The following FRMD3 variants were observed in gnomAD, a reference collection of about 807,000 sequenced individuals.
The protein encoded by FRMD3 is FERM domain containing 3, also known as FERM domain-containing protein 3.
Under a neutral mutation model 70.2 loss-of-function variants are expected in FRMD3, and 33 were observed. That is an observed-to-expected ratio of 0.47 (90% confidence interval 0.36 to 0.63). FRMD3 has a LOEUF of 0.63. FRMD3 is among the 20% of genes least tolerant of loss of function. The pLI, the probability that FRMD3 is intolerant of heterozygous loss-of-function variation, is 0.00. For synonymous variants in FRMD3, 279 were observed against 255.9 expected (o/e 1.09, Z -0.86); for missense variants, 632 against 711.4 (o/e 0.89, Z 1.27).
At chr9:83,428,048 AGAG>A (rs1209550114) in intron 1 of FRMD3, among the ~76,000 whole-genome samples, 3 of 152,318 alleles carry the variant, frequency 2.0e-5, no homozygotes, top group South Asian at 4.1e-4. Flanking sequence ...TGGAAACCCC[AGAG>A]GAGTAGCAAA....
At chr9:83,437,722 G>A (rs566089124) in intron 1 of FRMD3, among the ~76,000 whole-genome samples, 1 of 152,138 alleles carries the variant, frequency 6.6e-6, no homozygotes, top group Admixed American at 6.5e-5. Context: ...GCACACAGAC[G>A]TGGGTCTTCC....
intron 12 of FRMD3, among the ~76,000 whole-genome samples, chr9:83,291,705 G>A (rs1349376579): frequency 1.3e-5 from 2 of 152,010 alleles, no homozygotes; most frequent in Non-Finnish European, 2.9e-5. Flanking sequence ...GCACCTTAAG[G>A]GCAGAGACTG....
intron 1 of FRMD3, among the ~76,000 whole-genome samples, chr9:83,514,440 T>C (rs186442328): frequency 1.3e-5 from 2 of 152,304 alleles, no homozygotes; most frequent in Admixed American, 1.3e-4. Context: ...AGGCCATCTC[T>C]GAAAGAAAGG....
At chr9:83,281,565 G>C (rs1833971909) in intron 13 of FRMD3, 1 of 152,202 alleles carries the variant, frequency 6.6e-6, no homozygotes, top group Admixed American at 6.5e-5. Context: ...CAGGAGGAAT[G>C]ATTTGGGAAG....
chr9:83,449,411 C>T (rs544979952), intron 1 of FRMD3, among the ~76,000 whole-genome samples: 1 of 152,304 alleles, frequency 6.6e-6, no homozygotes, highest in Non-Finnish European at 1.5e-5. Context: ...GTCCTGGGAT[C>T]ACATAAGCTT....
At chr9:83,313,256 A>C (rs992429378) in intron 7 of FRMD3, among the ~76,000 whole-genome samples, 2 of 152,160 alleles carry the variant, frequency 1.3e-5, no homozygotes, top group African/African-American at 4.8e-5. Flanking sequence ...AATAAAAACA[A>C]GTGTTCCTAA....
chr9:83,397,295 T>C (rs151010710), intron 1 of FRMD3, among the ~76,000 whole-genome samples: 232 of 152,290 alleles, frequency 1.5e-3, no homozygotes, highest in Middle Eastern at 3.4e-3. Context: ...AATTCCCTGA[T>C]CACTGGAGGT....
At chr9:83,507,366 C>CA (rs61570991) in intron 1 of FRMD3, among the ~76,000 whole-genome samples, 3,383 of 46,700 alleles carry the variant, frequency 0.072, 331 homozygotes, top group South Asian at 0.12. Flanking sequence ...GACTCCGTCT[C>CA]AAAAAAAAAA....
At chr9:83,404,068 G>A (rs80165400) in intron 1 of FRMD3, among the ~76,000 whole-genome samples, 2 of 148,828 alleles carry the variant, frequency 1.3e-5, no homozygotes, top group Non-Finnish European at 1.5e-5. Context: ...GCATACACAC[G>A]CACACACACA....
At chr9:83,301,152 G>A (rs1039089222) in intron 10 of FRMD3, among the ~76,000 whole-genome samples, 1 of 152,142 alleles carries the variant, frequency 6.6e-6, no homozygotes, top group African/African-American at 2.4e-5. Context: ...CCTGGGGGGG[G>A]CCCTGCAGTG....
chr9:83,567,827 C>A, the FRMD3 span, among the ~76,000 whole-genome samples: 1 of 152,166 alleles, frequency 6.6e-6, no homozygotes, highest in Non-Finnish European at 1.5e-5. Context: ...TTTGTCAAAG[C>A]CATTCAACAA....
chr9:83,416,745 G>GTCTC (rs1184226415), intron 1 of FRMD3, among the ~76,000 whole-genome samples: 10,916 of 101,984 alleles, frequency 0.11, 1,249 homozygotes, highest in Middle Eastern at 0.12. Flanking sequence ...ATTTCTCTCT[G>GTCTC]TCTCTCTCTC....
chr9:83,392,261 T>C (rs537254872), intron 1 of FRMD3, among the ~76,000 whole-genome samples: 3 of 152,248 alleles, frequency 2.0e-5, no homozygotes, highest in African/African-American at 7.2e-5. Context: ...AGACCCTCCA[T>C]GTCTCACTGC....
At position 83,247,313 on chromosome 9, in the gene FRMD3, T is replaced by TA. The variant is rs963913083; in HGVS notation, c.*604dup. 25 of 983,634 alleles carry TA rather than the reference T, an allele frequency of 2.5e-5. No homozygotes were observed. The highest frequency in any genetic ancestry group is 2.8e-5 in the Non-Finnish European group (23 of 829,472). 60.9% of individuals were successfully genotyped at this position (983,634 alleles called of 1,614,324 possible). ...TAAAAACAAAGTAGCGCCAAAACAT[T>TA]AAAAAAATTCTGATATACCTTTTGT... On this transcript the variant is annotated 3_prime_UTR_variant, in exon 14 of 14. Transcript: ENST00000304195.
Position 83,247,994 on chromosome 9 carries a change from T to G in FRMD3, c.1718A>C (p.Tyr573Ser). 6.2e-7 allele frequency: 1 copy of G among 1,614,168 alleles called. No individual in the cohort carries two copies. The highest frequency in any genetic ancestry group is 8.5e-7 in the Non-Finnish European group (1 of 1,180,030). ...RQTPEFEQFH[Y>S]EYYCPLKEWV... Reference sequence around the variant, plus strand: ...CTCCTTGAGGGGACAGTAGTATTCATAGTGAAACTGCTCAAACTCTGGTGT... The same window carrying G: ...CTCCTTGAGGGGACAGTAGTATTCAGAGTGAAACTGCTCAAACTCTGGTGT... The change falls in exon 14 of 14, where the codon TAT becomes TCT. Residue 573 changes from tyrosine (Y) to serine (S), a missense_variant. Coordinates refer to ENST00000304195, the MANE Select transcript of FRMD3 (RefSeq NM_174938.6).
At chr9:83,474,536 C>G (rs759044138) in intron 1 of FRMD3, among the ~76,000 whole-genome samples, 2 of 152,124 alleles carry the variant, frequency 1.3e-5, no homozygotes, top group Non-Finnish European at 2.9e-5. Flanking sequence ...ACACCTGTTT[C>G]TGGGGCACTG....
At chr9:83,299,859 C>T (rs1469738057) in intron 10 of FRMD3, among the ~76,000 whole-genome samples, 1 of 152,172 alleles carries the variant, frequency 6.6e-6, no homozygotes, top group Non-Finnish European at 1.5e-5. Context: ...TAAATAAGAG[C>T]AAAACAACAA....
At chr9:83,436,239 G>C (rs1394787934) in intron 1 of FRMD3, among the ~76,000 whole-genome samples, 2 of 152,082 alleles carry the variant, frequency 1.3e-5, no homozygotes, top group African/African-American at 4.8e-5. Context: ...AAATGTCCGT[G>C]GAAATCCATT....
At chr9:83,560,097 T>C in the FRMD3 span, among the ~76,000 whole-genome samples, 8 of 152,332 alleles carry the variant, frequency 5.3e-5, no homozygotes, top group African/African-American at 1.9e-4. Flanking sequence ...ATCCTCTTCA[T>C]TCATAAAATG....
Sources: allele counts gnomAD v4.1 joint callset (sites outside exome capture counted in the v4.1 genomes callset), GRCh38; gene constraint gnomAD v4.1.1; transcripts MANE v1.5; gene names NCBI Gene and HGNC (gene_info 2026-07-23, HGNC 2026-07-21).